Variants in SPIDR observed in about 807,000 individuals in gnomAD.
The protein encoded by SPIDR is DNA repair-scaffolding protein.
SPIDR carries 93 observed loss-of-function variants against 104.6 expected under a neutral mutation model. That is an observed-to-expected ratio of 0.89 (90% CI 0.75 to 1.06). The LOEUF is 1.06. SPIDR is among the 50% of genes least tolerant of loss of function. The pLI is 0.00. For missense variants in SPIDR, 1,154 were observed against 1,111.2 expected, an observed-to-expected ratio of 1.04 and a Z score of -0.55; for synonymous variants, 431 against 416.9, an observed-to-expected ratio of 1.03 and a Z score of -0.41.
intron 8 of SPIDR, among the ~76,000 whole-genome samples, chr8:47,509,190 C>T (rs2081952014): frequency 6.6e-6 from 1 of 152,172 alleles, no homozygotes; most frequent in South Asian, 2.1e-4. Context: ...TTTGGCCCTT[C>T]GGCTTGTTAT....
chr8:47,713,164 C>T (rs946257964), intron 15 of SPIDR: 16 of 701,052 alleles, frequency 2.3e-5, no homozygotes, highest in Admixed American at 6.4e-5. Flanking sequence ...ATTATAAATG[C>T]GTATACTTAG....
At chr8:47,587,235 G>A (rs2060345213) in intron 8 of SPIDR, among the ~76,000 whole-genome samples, 1 of 152,140 alleles carries the variant, frequency 6.6e-6, no homozygotes, top group South Asian at 2.1e-4. Context: ...TATATAAGTT[G>A]TGAGAATGAG....
intron 8 of SPIDR, among the ~76,000 whole-genome samples, chr8:47,553,613 C>A (rs1313581932): frequency 1.3e-5 from 2 of 152,096 alleles, no homozygotes; most frequent in African/African-American, 4.8e-5. Flanking sequence ...GTAAGGTCTT[C>A]TCTACACTCT....
chr8:47,421,239 G>T (rs201225793), intron 7 of SPIDR, among the ~76,000 whole-genome samples: 41 of 152,220 alleles, frequency 2.7e-4, no homozygotes, highest in South Asian at 6.2e-4. Context: ...TGTCACTTTC[G>T]GGTACACCAA....
chr8:47,336,785 A>G (rs1554609700), intron 5 of SPIDR, among the ~76,000 whole-genome samples: 2 of 152,224 alleles, frequency 1.3e-5, no homozygotes, highest in African/African-American at 4.8e-5. Context: ...TCTCTTGTAT[A>G]TATACCTAGA....
chr8:47,537,255 G>C (rs1319314369), intron 8 of SPIDR, among the ~76,000 whole-genome samples: 1 of 152,192 alleles, frequency 6.6e-6, no homozygotes, highest in Non-Finnish European at 1.5e-5. Context: ...ATACAAACAT[G>C]AGCATAAATG....
chr8:47,686,409 G>GA (rs1301869088), intron 11 of SPIDR, among the ~76,000 whole-genome samples: 1 of 151,998 alleles, frequency 6.6e-6, no homozygotes, highest in African/African-American at 2.4e-5. Context: ...TTGAATTTTG[G>GA]AAAAAATACT....
chr8:47,695,878 G>A (rs899947350), intron 11 of SPIDR, among the ~76,000 whole-genome samples: 2 of 152,192 alleles, frequency 1.3e-5, no homozygotes, highest in African/African-American at 4.8e-5. Context: ...ATTTAGCATT[G>A]TTTCAATGGC....
intron 8 of SPIDR, among the ~76,000 whole-genome samples, chr8:47,485,204 C>T (rs781915430): frequency 9.2e-5 from 14 of 152,210 alleles, no homozygotes; most frequent in African/African-American, 3.1e-4. Flanking sequence ...GATTATATCC[C>T]GTGCAAGGCT....
At chr8:47,270,342 T>C (rs1228314553) in intron 1 of SPIDR, among the ~76,000 whole-genome samples, 2 of 152,226 alleles carry the variant, frequency 1.3e-5, no homozygotes, top group African/African-American at 4.8e-5. Flanking sequence ...TTTTTATTTC[T>C]GAGTCGGTTT....
Position 47,599,142 on chromosome 8 carries a change from G to A in SPIDR, c.1490G>A (p.Ser497Asn). ...QRVYSLPSRD[S>N]TRGQQGASSG... ...GTGTATTCTCTTCCCAGCAGAGACA[G>A]CACCAGGGGTCAGCAGGGGGCCAGC... The change falls in exon 10 of 20, where the codon AGC (serine) becomes AAC (asparagine). Residue 497 changes from serine to asparagine, a missense_variant. Coordinates refer to ENST00000297423, the MANE Select transcript of SPIDR (RefSeq NM_001080394.4). 1.2e-6 allele frequency: 2 copies of A among 1,613,730 alleles called. No individual in the cohort carries two copies. Among genetic ancestry groups the A allele is most frequent in the Non-Finnish European group, 1.7e-6 (2 of 1,179,904 alleles).
chr8:47,545,111 CTTTCTTTCTTT>C (rs1478231880), intron 8 of SPIDR, among the ~76,000 whole-genome samples: 20 of 45,332 alleles, frequency 4.4e-4, no homozygotes, highest in East Asian at 3.1e-3. Context: ...TTCTTTCTTT[CTTTCTTTCTTT>C]TTTTTTTTTT....
chr8:47,484,612 G>A (rs1193415886), intron 8 of SPIDR, among the ~76,000 whole-genome samples: 2 of 152,202 alleles, frequency 1.3e-5, no homozygotes, highest in Non-Finnish European at 2.9e-5. Context: ...GGGGGAGATG[G>A]TCTCGTAGTT....
At chr8:47,286,274 G>A (rs1014065691) in intron 3 of SPIDR, among the ~76,000 whole-genome samples, 42 of 152,260 alleles carry the variant, frequency 2.8e-4, no homozygotes, top group South Asian at 8.3e-4. Context: ...CTGGGTGTGC[G>A]TCTCAGGCAC....
chr8:47,682,725 T>TATA (rs1467455664), intron 11 of SPIDR, among the ~76,000 whole-genome samples: 1 of 152,100 alleles, frequency 6.6e-6, no homozygotes, highest in Admixed American at 6.5e-5. Context: ...ATCAAAAAGG[T>TATA]ATAACATAAG....
chr8:47,567,196 G>T (rs937049879), intron 8 of SPIDR, among the ~76,000 whole-genome samples: 7 of 151,138 alleles, frequency 4.6e-5, no homozygotes, highest in Non-Finnish European at 1.0e-4. Context: ...GATTACACTG[G>T]TTTTGGAGGA....
chr8:47,685,740 A>G (rs2077722514), intron 11 of SPIDR, among the ~76,000 whole-genome samples: 1 of 151,860 alleles, frequency 6.6e-6, no homozygotes, highest in Non-Finnish European at 1.5e-5. Flanking sequence ...TTTTTAGTAG[A>G]GACGGGGTTT....
At chr8:47,731,703 C>T (rs1337268726) in intron 19 of SPIDR, among the ~76,000 whole-genome samples, 3 of 152,204 alleles carry the variant, frequency 2.0e-5, no homozygotes, top group Non-Finnish European at 4.4e-5. Context: ...GGCAACCGAC[C>T]ACACAGCAGT....
At chr8:47,407,558 A>C (rs1588298590) in intron 6 of SPIDR, among the ~76,000 whole-genome samples, 1 of 152,324 alleles carries the variant, frequency 6.6e-6, no homozygotes, top group Non-Finnish European at 1.5e-5. Flanking sequence ...TGAATAAATG[A>C]ACTAAGAAAG....
Sources: gnomAD v4.1 joint callset for allele counts (sites outside exome capture counted in the v4.1 genomes callset) on GRCh38, gnomAD v4.1.1 for gene constraint, MANE v1.5 for transcripts, NCBI Gene and HGNC (gene_info 2026-07-23, HGNC 2026-07-21) for gene names.